Variants in SVOP observed in about 807,000 individuals in gnomAD.
SVOP encodes the protein SV2 related protein, also known as synaptic vesicle 2-related protein.
Under a neutral mutation model 69.1 loss-of-function variants are expected in SVOP, and 17 were observed. The ratio of observed to expected loss-of-function variants is 0.25; its 90% CI spans 0.17 to 0.37. The LOEUF is 0.37. Among genes scored for constraint, SVOP ranks in the 10% least tolerant of loss-of-function variants. SVOP has a pLI of 1.00. For synonymous variants in SVOP, 238 were observed against 238.6 expected, an observed-to-expected ratio of 1.00 and a Z score of 0.02; for missense variants, 435 against 597.5, an observed-to-expected ratio of 0.73 and a Z score of 2.84.
chr12:108,947,341 CTG>C (rs980328164), intron 6 of SVOP, among the ~76,000 whole-genome samples: 2 of 152,110 alleles, frequency 1.3e-5, no homozygotes, highest in African/African-American at 4.8e-5. Context: ...GATTATCTGT[CTG>C]TCTATCTATC....
At chr12:108,918,977 C>T (rs1184506428) in intron 13 of SVOP, among the ~76,000 whole-genome samples, 1 of 152,092 alleles carries the variant, frequency 6.6e-6, no homozygotes, top group Non-Finnish European at 1.5e-5. Flanking sequence ...TGTATCTGCA[C>T]CCACTCCTGG....
rs146264016 is a variant in SVOP, at chr12:108,964,241, A to G, written c.454-3194T>C. Among the ~76,000 whole-genome samples the G allele has an allele frequency of 1.8e-3, 272 of 152,194 alleles. 3 individuals are homozygous for G. The highest frequency in any genetic ancestry group is 3.4e-3 in the Middle Eastern group (1 of 294). ...GAAAGAAGAAAGATATTAAGTACAT[A>G]AGATAATAGGTGGCACAGGATTTAC... On this transcript the variant is annotated intron_variant, in intron 5 of 15. Coordinates refer to ENST00000610966, the MANE Select transcript of SVOP (RefSeq NM_018711.5).
rs2040112637 is a variant in SVOP at position 108,977,457 on chromosome 12, C to A, written c.322G>T (p.Ala108Ser). ...CTCCACTCGCAATGCAGCTGTGGTG[C>A]CAGGATGCTGAGGATCATCATCTCC... ...AMEMMILSIL[A>S]PQLHCEWRLP... Residue 108 changes from alanine to serine, a missense_variant, in exon 4 of 16, where the codon GCA (alanine) becomes TCA (serine). Physicochemically the swap from Ala to Ser is moderately conservative, Grantham distance 99 (BLOSUM62 1). Transcript: ENST00000610966. 1 of 1,537,012 alleles carries A rather than the reference C, an allele frequency of 6.5e-7. No homozygotes were observed. The highest frequency in any genetic ancestry group is 1.4e-5 in the African/African-American group (1 of 73,034).
chr12:108,913,658 C>T (rs542050073), intron 15 of SVOP, among the ~76,000 whole-genome samples: 2 of 152,182 alleles, frequency 1.3e-5, no homozygotes, highest in African/African-American at 4.8e-5. Flanking sequence ...GTCCCATTTT[C>T]TTTTCTTTTG....
At chr12:108,918,231 A>G in intron 13 of SVOP, 107 bp from the exon 14 acceptor site, 1 of 770,152 alleles carries the variant, frequency 1.3e-6, no homozygotes, top group Non-Finnish European at 2.0e-6. Context: ...GGCAAAGGTT[A>G]CCCCTCCCCG....
intron 10 of SVOP, chr12:108,936,890 T>A (rs2039859751): frequency 4.8e-6 from 1 of 207,140 alleles, no homozygotes; most frequent in Non-Finnish European, 9.8e-6. Context: ...GCAATTAAGG[T>A]GTTTTCTTTT....
At chr12:109,003,014 T>A (rs888207835) in intron 1 of SVOP, among the ~76,000 whole-genome samples, 4 of 150,236 alleles carry the variant, frequency 2.7e-5, no homozygotes, top group Non-Finnish European at 5.9e-5. Context: ...AAAATAAAAA[T>A]AAAAAAACAA....
rs150383806 is a variant in SVOP, at chr12:108,931,925, A to G, written c.1048+2270T>C. ...CCTCAAACTTAATGTGCACATTAGA[A>G]TTATTGCTCAGGATCATATCCATAA... On this transcript the variant is annotated intron_variant, in intron 11 of 15. Coordinates refer to ENST00000610966, the MANE Select transcript of SVOP (RefSeq NM_018711.5). Among the ~76,000 whole-genome samples the G allele has an allele frequency of 2.0e-4, 30 of 152,276 alleles. No individual in the cohort carries two copies. The East Asian group carries it at 5.8e-3, about 29-fold the overall frequency.
intron 1 of SVOP, among the ~76,000 whole-genome samples, chr12:108,997,338 C>T (rs951067459): frequency 6.6e-6 from 1 of 152,088 alleles, no homozygotes; most frequent in Non-Finnish European, 1.5e-5. Flanking sequence ...TGATTGCTAG[C>T]ACAGCAGTCT....
intron 1 of SVOP, among the ~76,000 whole-genome samples, chr12:108,989,217 G>A (rs1438681554): frequency 1.3e-5 from 2 of 152,104 alleles, no homozygotes; most frequent in African/African-American, 2.4e-5. Context: ...CTACAGGCAC[G>A]CACCACCACC....
intron 2 of SVOP, among the ~76,000 whole-genome samples, chr12:108,982,997 C>T (rs1375748460): frequency 1.3e-5 from 2 of 150,822 alleles, no homozygotes; most frequent in African/African-American, 4.9e-5. Flanking sequence ...CCATCATTAT[C>T]ATTGTCACCA....
chr12:109,014,555 C>A (rs1343180717), intron 1 of SVOP, among the ~76,000 whole-genome samples: 1 of 152,114 alleles, frequency 6.6e-6, no homozygotes, highest in Non-Finnish European at 1.5e-5. Flanking sequence ...GCATCTATAA[C>A]CAGAAGTGGA....
intron 5 of SVOP, among the ~76,000 whole-genome samples, chr12:108,966,639 G>A (rs1224364841): frequency 1.3e-5 from 2 of 152,088 alleles, no homozygotes; most frequent in Admixed American, 1.3e-4. Flanking sequence ...CCATGCTGGG[G>A]AGGAGGAAGC....
chr12:108,935,241 G>A (rs2039849381), intron 10 of SVOP, among the ~76,000 whole-genome samples: 1 of 152,144 alleles, frequency 6.6e-6, no homozygotes, highest in South Asian at 2.1e-4. Context: ...TTAATTCCTG[G>A]CTGACCCAGA....
At chr12:109,001,365 T>C (rs941459824) in intron 1 of SVOP, among the ~76,000 whole-genome samples, 1 of 150,670 alleles carries the variant, frequency 6.6e-6, no homozygotes, top group African/African-American at 2.4e-5. Context: ...ATCAATATCA[T>C]GAAAATGGCC....
intron 1 of SVOP, among the ~76,000 whole-genome samples, chr12:109,016,085 A>G (rs1057335960): frequency 2.0e-5 from 3 of 152,194 alleles, no homozygotes; most frequent in African/African-American, 7.2e-5. Context: ...AAACAATACC[A>G]GCACCACAAA....
chr12:108,959,449 G>A (rs2040004644), intron 6 of SVOP, among the ~76,000 whole-genome samples: 1 of 150,050 alleles, frequency 6.7e-6, no homozygotes, highest in Non-Finnish European at 1.5e-5. Flanking sequence ...TGCCTCCCAG[G>A]TTCAAGCGAT....
Position 108,908,975 on chromosome 12 carries a change from A to G in SVOP, c.*3560T>C, listed in dbSNP as rs2039663938. 6.6e-6 allele frequency: 1 copy of G among 152,136 alleles called. No individual in the cohort carries two copies. Among genetic ancestry groups the G allele is most frequent in the African/African-American group, 2.4e-5 (1 of 41,406 alleles). 9.4% of individuals were successfully genotyped at this position (152,136 alleles called of 1,614,324 possible). A position where few individuals can be genotyped will look rare whatever the true frequency, so the allele number is the denominator to read the frequency against. On this transcript the variant is annotated 3_prime_UTR_variant, in exon 16 of 16. Transcript: ENST00000610966. ...GGACTTCCTTTTCTAACCAAAACCA[A>G]CAGACTCTTCTGAAAGAAAACCTTT...
chr12:108,977,350 A>C, intron 4 of SVOP, 48 bp downstream of exon 4: 1 of 1,529,698 alleles, frequency 6.5e-7, no homozygotes, highest in African/African-American at 1.4e-5. Flanking sequence ...AGGACACCCC[A>C]GGGGAGCAGA....
Sources: allele counts gnomAD v4.1 joint callset (sites outside exome capture counted in the v4.1 genomes callset), GRCh38; gene constraint gnomAD v4.1.1; transcripts MANE v1.5; gene names NCBI Gene and HGNC (gene_info 2026-07-23, HGNC 2026-07-21).